Variants in TNIK observed in about 807,000 individuals in gnomAD.
TNIK encodes TRAF2 and NCK interacting kinase.
Under a neutral mutation model 191.3 loss-of-function variants are expected in TNIK, and 49 were observed. That is an observed-to-expected ratio of 0.26 (90% CI 0.20 to 0.32). The LOEUF (loss-of-function observed/expected upper bound fraction) is 0.32, where lower values mean the gene tolerates loss of function less well. Ranked by LOEUF, TNIK falls within the 10% of genes least tolerant of loss-of-function variation. The probability of loss-of-function intolerance (pLI) is 1.00; values close to 1 mark genes in which losing one functional copy is unlikely to be tolerated. For missense variants in TNIK, 1,155 were observed against 1,702.3 expected, an observed-to-expected ratio of 0.68 and a Z score of 5.66; for synonymous variants, 594 against 600.9, an observed-to-expected ratio of 0.99 and a Z score of 0.17.
intron 2 of TNIK, among the ~76,000 whole-genome samples, chr3:171,253,281 CAAA>C (rs5854409): frequency 1.5e-5 from 2 of 135,940 alleles, no homozygotes; most frequent in Non-Finnish European, 1.6e-5. Flanking sequence ...AAGACTGTCT[CAAA>C]AAAAAAAAAA....
At chr3:171,333,515 A>G (rs1400191080) in intron 2 of TNIK, among the ~76,000 whole-genome samples, 2 of 150,298 alleles carry the variant, frequency 1.3e-5, no homozygotes, top group African/African-American at 4.9e-5. Flanking sequence ...CAGAGGTTGC[A>G]GCGAGCCAAG....
intron 1 of TNIK, among the ~76,000 whole-genome samples, chr3:171,407,236 T>C (rs1466286565): frequency 6.6e-6 from 1 of 152,064 alleles, no homozygotes; most frequent in Non-Finnish European, 1.5e-5. Flanking sequence ...AGGTCAGTGC[T>C]GGAAAAGGGG....
At chr3:171,273,809 T>C (rs1400517481) in intron 2 of TNIK, among the ~76,000 whole-genome samples, 2 of 152,232 alleles carry the variant, frequency 1.3e-5, no homozygotes, top group African/African-American at 2.4e-5. Context: ...TGACAACTGA[T>C]AATGAACCTT....
intron 2 of TNIK, among the ~76,000 whole-genome samples, chr3:171,337,278 G>A (rs1399760931): frequency 6.6e-6 from 1 of 152,180 alleles, no homozygotes; most frequent in Non-Finnish European, 1.5e-5. Context: ...AAGGAGAGAA[G>A]GTAAGAGCCT....
intron 18 of TNIK, among the ~76,000 whole-genome samples, chr3:171,121,806 G>T (rs1727785710): frequency 6.6e-6 from 1 of 152,156 alleles, no homozygotes; most frequent in Non-Finnish European, 1.5e-5. Context: ...TTAAATGCTG[G>T]CCACATGGAG....
intron 1 of TNIK, among the ~76,000 whole-genome samples, chr3:171,400,043 C>G (rs1720723903): frequency 6.6e-6 from 1 of 152,176 alleles, no homozygotes; most frequent in Non-Finnish European, 1.5e-5. Context: ...GAGTAAGGCT[C>G]TCACAGGAAT....
intron 2 of TNIK, among the ~76,000 whole-genome samples, chr3:171,282,012 T>A (rs905441705): frequency 4.6e-5 from 7 of 152,140 alleles, no homozygotes; most frequent in African/African-American, 1.4e-4. Context: ...ATAATAATGG[T>A]AACTGTGATA....
chr3:171,146,414 C>T (rs1391409334), intron 12 of TNIK, among the ~76,000 whole-genome samples: 2 of 152,140 alleles, frequency 1.3e-5, no homozygotes, highest in African/African-American at 4.8e-5. Flanking sequence ...ATTATATGGA[C>T]CCAAGTGATA....
intron 2 of TNIK, among the ~76,000 whole-genome samples, chr3:171,230,902 T>C (rs1743541825): frequency 6.6e-6 from 1 of 152,098 alleles, no homozygotes; most frequent in Admixed American, 6.6e-5. Context: ...AAACCTTAAG[T>C]GAACTCCCTT....
At chr3:171,071,780 C>T (rs1458961900) in intron 28 of TNIK, among the ~76,000 whole-genome samples, 1 of 152,080 alleles carries the variant, frequency 6.6e-6, no homozygotes, top group Non-Finnish European at 1.5e-5. Flanking sequence ...ATTTGAATTC[C>T]AATTACCAAG....
At chr3:171,391,519 T>G (rs988178126) in intron 1 of TNIK, among the ~76,000 whole-genome samples, 1 of 152,230 alleles carries the variant, frequency 6.6e-6, no homozygotes, top group South Asian at 2.1e-4. Context: ...CAAAATTGAC[T>G]GTAATAAATC....
At chr3:171,407,134 G>A (rs1440098574) in intron 1 of TNIK, among the ~76,000 whole-genome samples, 1 of 152,146 alleles carries the variant, frequency 6.6e-6, no homozygotes, top group Non-Finnish European at 1.5e-5. Context: ...ACTGGTATGT[G>A]GGTGAAAGTG....
At chr3:171,186,112 C>T (rs1737341744) in intron 7 of TNIK, among the ~76,000 whole-genome samples, 1 of 152,170 alleles carries the variant, frequency 6.6e-6, no homozygotes, top group Admixed American at 6.5e-5. Context: ...TCCTTATACA[C>T]AATGGATAGT....
intron 2 of TNIK, among the ~76,000 whole-genome samples, chr3:171,298,662 TG>T (rs1752574391): frequency 6.6e-6 from 1 of 152,196 alleles, no homozygotes; most frequent in African/African-American, 2.4e-5. Context: ...GCCATGGGCC[TG>T]GGTCCCTGAA....
chr3:171,238,704 A>G (rs1365948771), intron 2 of TNIK, among the ~76,000 whole-genome samples: 1 of 152,224 alleles, frequency 6.6e-6, no homozygotes, highest in Non-Finnish European at 1.5e-5. Flanking sequence ...TAGGTGCTCA[A>G]TGAATGCTGG....
intron 9 of TNIK, among the ~76,000 whole-genome samples, chr3:171,172,494 A>T (rs1333663095): frequency 6.6e-6 from 1 of 152,238 alleles, no homozygotes; most frequent in Non-Finnish European, 1.5e-5. Flanking sequence ...CTTACTTCAA[A>T]TCACTTTGGA....
intron 1 of TNIK, among the ~76,000 whole-genome samples, chr3:171,379,806 C>T (rs545201071): frequency 1.5e-4 from 23 of 152,148 alleles, no homozygotes; most frequent in Non-Finnish European, 3.2e-4. Flanking sequence ...GTCAGGAGTT[C>T]GAGACCAGCC....
chr3:171,337,849 A>G (rs1160696664), intron 2 of TNIK, among the ~76,000 whole-genome samples: 2 of 152,222 alleles, frequency 1.3e-5, no homozygotes, highest in African/African-American at 2.4e-5. Context: ...CAGAGGGAGA[A>G]CTACAAATGC....
intron 23 of TNIK, among the ~76,000 whole-genome samples, chr3:171,088,570 G>GA (rs1311164075): frequency 1.3e-5 from 2 of 152,100 alleles, no homozygotes; most frequent in African/African-American, 4.8e-5. Context: ...CAGTGCAGTA[G>GA]AAAAAAATGT....
Sources: allele counts gnomAD v4.1 joint callset (sites outside exome capture counted in the v4.1 genomes callset), GRCh38; gene constraint gnomAD v4.1.1; transcripts MANE v1.5; gene names NCBI Gene and HGNC (gene_info 2026-07-23, HGNC 2026-07-21).